KRT83: variants seen among roughly 807,000 people sequenced by gnomAD.
KRT83 encodes keratin, type II cuticular Hb3.
KRT83 carries 51 observed loss-of-function variants against 52.9 expected under a neutral mutation model. The ratio of observed to expected loss-of-function variants is 0.96; its 90% CI spans 0.77 to 1.22. The LOEUF (loss-of-function observed/expected upper bound fraction) is 1.22. Among genes scored for constraint, KRT83 ranks in the 50% most tolerant of loss-of-function variants. The pLI is 0.00. For missense variants in KRT83, 654 were observed against 666.5 expected, an observed-to-expected ratio of 0.98 and a Z score of 0.21; for synonymous variants, 278 against 274.1, an observed-to-expected ratio of 1.01 and a Z score of -0.14.
Position 52,317,754 on chromosome 12 carries a change from C to G in KRT83, c.677G>C (p.Arg226Pro). The change falls in exon 4 of 9, where the codon CGC becomes CCC. Residue 226 changes from arginine (R) to proline (P), a missense_variant. Transcript: ENST00000293670. ...CACGTTGGCCTCCAGGTCTGACTTG[C>G]GGAGGTAGGCGCAGTCCACATCCTG... ...LKKDVDCAYL[R>P]KSDLEANVEA... The G allele has an allele frequency of 6.2e-7, 1 of 1,613,720 alleles. No homozygotes were observed. Among genetic ancestry groups the G allele is most frequent in the East Asian group, 2.2e-5 (1 of 44,862 alleles).
In KRT83 at chr12:52,319,114, A is replaced by G. The variant is rs2187512; in HGVS notation, c.593+42T>C. 586,764 of 1,611,710 alleles carry G rather than the reference A, an allele frequency of 0.36. 109,623 individuals carry two copies. The highest frequency in any genetic ancestry group is 0.49 in the African/African-American group (36,462 of 74,824). On this transcript the variant is annotated intron_variant, in intron 2 of 8. Coordinates refer to ENST00000293670, the MANE Select transcript of KRT83 (RefSeq NM_002282.3). ...CCTCCGGGCTCAGGGAGCTGCCACC[A>G]TGCTATTTCCTGTGCCCAGAACCCC...
rs750385511 is a variant in KRT83, at chr12:52,317,689, A to G, written c.742T>C (p.Tyr248His). ...IQEIDFLRRLYEEEIRILQSH... is the reference protein window; with the variant it reads ...IQEIDFLRRLHEEEIRILQSH... ...GGTTGAGAGCCCCTCACCTCCTCGT[A>G]CAGCCGCCTCAGGAAGTCAATCTCC... Residue 248 changes from tyrosine (Y) to histidine (H), a missense_variant, in exon 4 of 9, where the codon TAC (tyrosine) becomes CAC (histidine). Transcript: ENST00000293670. 32 of 1,612,380 alleles carry G rather than the reference A, an allele frequency of 2.0e-5. No homozygotes were observed. The South Asian group carries it at 3.4e-4, about 17-fold the overall frequency.
intron 1 of KRT83, 58 bp from the exon 2 acceptor site, chr12:52,319,422 G>C (rs912035201): frequency 1.9e-5 from 30 of 1,609,534 alleles, no homozygotes; most frequent in Non-Finnish European, 2.5e-5. Flanking sequence ...GGACAAAGAG[G>C]GGTTCCCAGC....
At position 52,317,947 on chromosome 12, in the gene KRT83, C is replaced by G; in HGVS notation, c.617G>C (p.Arg206Pro). 1.2e-6 allele frequency: 2 copies of G among 1,613,892 alleles called. No homozygotes were observed. The highest frequency in any genetic ancestry group is 1.7e-6 in the Non-Finnish European group (2 of 1,180,016). ...KKKYEEEVAL[R>P]ATAENEFVAL... ...CACAAACTCGTTCTCTGCTGTGGCTCGAAGTGCTACTTCTTCTTCATACCT... is the reference window on the plus strand; with the variant it reads ...CACAAACTCGTTCTCTGCTGTGGCTGGAAGTGCTACTTCTTCTTCATACCT... The change falls in exon 3 of 9, where the codon CGA (arginine) becomes CCA (proline). Residue 206 changes from arginine to proline, a missense_variant. By Grantham distance (103) the Arg-to-Pro change is moderately radical. Coordinates refer to ENST00000293670, the MANE Select transcript of KRT83 (RefSeq NM_002282.3).
intron 6 of KRT83, 122 bp downstream of exon 6, chr12:52,316,346 A>G: frequency 6.9e-7 from 1 of 1,442,142 alleles, no homozygotes; most frequent in South Asian, 1.2e-5. Context: ...TAGATTTCTC[A>G]TCTTACTCTG....
At position 52,314,902 on chromosome 12, in the gene KRT83, G is replaced by T. The variant is rs918176759; in HGVS notation, c.1295-84C>A. On this transcript the variant is annotated intron_variant, in intron 8 of 8. Transcript: ENST00000293670. ...CTTCCTTTGGTCTGTCTGATGTGTC[G>T]ACCATCCAGGGAAGGATGCAAAGAG... 9 of 1,329,968 alleles carry T rather than the reference G, an allele frequency of 6.8e-6. No homozygotes were observed. In the East Asian group the frequency reaches 1.5e-4, roughly 22 times the overall value. The allele number at this position is 1,329,968 out of a possible 1,614,324, so 82.4% of individuals were successfully genotyped here. A position where few individuals can be genotyped will look rare whatever the true frequency, so the allele number is the denominator to read the frequency against.
At chr12:52,316,703 T>C in intron 5 of KRT83, 110 bp from the exon 6 acceptor site, 1 of 1,596,094 alleles carries the variant, frequency 6.3e-7, no homozygotes, top group Non-Finnish European at 8.6e-7. Context: ...CAACCACACG[T>C]GGCAGTCCTG....
At chr12:52,315,802 A>AG (rs1938676830) in intron 7 of KRT83, 91 bp downstream of exon 7, 4 of 1,556,750 alleles carry the variant, frequency 2.6e-6, no homozygotes, top group Non-Finnish European at 3.5e-6. Flanking sequence ...TAGAGGCAAG[A>AG]ATGTCACCTG....
At chr12:52,320,424 G>A (rs1000154181) in intron 1 of KRT83, among the ~76,000 whole-genome samples, 8 of 152,204 alleles carry the variant, frequency 5.3e-5, no homozygotes, top group Admixed American at 5.2e-4. Context: ...CATAAAGCCT[G>A]TGAGGATGGG....
rs186866078 is a variant in KRT83, at chr12:52,317,732, G to T, written c.699C>A (p.Asn233Lys). Residue 233 changes from asparagine (N) to lysine (K), a missense_variant, in exon 4 of 9, where the codon AAC becomes AAA. Physicochemically the swap from Asn to Lys is moderately conservative, Grantham distance 94. Transcript: ENST00000293670. ...AYLRKSDLEANVEALIQEIDF... is the reference protein window; with the variant it reads ...AYLRKSDLEAKVEALIQEIDF... ...CAATCTCCTGGATCAGGGCCTCCAC[G>T]TTGGCCTCCAGGTCTGACTTGCGGA... The T allele has an allele frequency of 9.9e-6, 16 of 1,613,392 alleles. No homozygotes were observed. The highest frequency in any genetic ancestry group is 1.4e-5 in the Non-Finnish European group (16 of 1,179,958).
intron 1 of KRT83, among the ~76,000 whole-genome samples, chr12:52,320,426 G>A (rs1449529549): frequency 6.6e-6 from 1 of 152,214 alleles, no homozygotes; most frequent in African/African-American, 2.4e-5. Context: ...TAAAGCCTGT[G>A]AGGATGGGGA....
In KRT83 at chr12:52,321,144, G is replaced by T. The variant is rs199997738; in HGVS notation, c.192C>A (p.Cys64Ter). Residue 64 changes from cysteine (C) to a stop codon, truncating the protein, a stop_gained, in exon 1 of 9, where the codon TGC (cysteine) becomes TGA (stop). Coordinates refer to ENST00000293670, the MANE Select transcript of KRT83 (RefSeq NM_002282.3). LOFTEE classifies it high-confidence loss of function. ...CGGAGCGGTAGCCGAAGCTGCGTCC[G>T]CAGGAGCCGGCGCGGAAGCCCCCGC... Reference protein sequence around the residue: ...SVCGGFRAGSCGRSFGYRSGG... With the variant: ...SVCGGFRAGS The T allele has an allele frequency of 1.1e-4, 176 of 1,612,156 alleles. No individual in the cohort carries two copies. Among genetic ancestry groups the T allele is most frequent in the Admixed American group, 1.7e-4 (10 of 59,978 alleles).
rs1274824443 is a variant in KRT83 at position 52,314,613 on chromosome 12, G to C, written c.*18C>G. 7 of 1,553,812 alleles carry C rather than the reference G, an allele frequency of 4.5e-6. No individual in the cohort carries two copies. Among genetic ancestry groups the C allele is most frequent in the Non-Finnish European group, 6.1e-6 (7 of 1,148,608 alleles). On this transcript the variant is annotated 3_prime_UTR_variant, in exon 9 of 9. Transcript: ENST00000293670. ...TCTGGCAGGCAGAAGGGGCTCCCCT[G>C]GCTCTCTTTTGGGCCACTTAATGCC...
In KRT83 at chr12:52,315,342, G is replaced by T; in HGVS notation, c.1264C>A (p.Leu422Met). The T allele has an allele frequency of 6.2e-7, 1 of 1,613,732 alleles. No homozygotes were observed. Among genetic ancestry groups the T allele is most frequent in the Non-Finnish European group, 8.5e-7 (1 of 1,179,726 alleles). ...TTCACAGCTTCAACACCTTCACACA[G>T]CCTGAGTGGGGAAAAAGTAAGGAAG... is the stretch of plus-strand genomic sequence containing the variant. ...RRLLEGEEQR[L>M]CEGVEAVNVC... Residue 422 changes from leucine to methionine, a missense_variant and splice_region_variant, in exon 8 of 9, where the codon CTG becomes ATG. Leu to Met is a conservative substitution (Grantham distance 15). Coordinates refer to ENST00000293670, the MANE Select transcript of KRT83 (RefSeq NM_002282.3).
chr12:52,318,220 G>C (rs1592447705), intron 2 of KRT83, among the ~76,000 whole-genome samples: 1 of 151,864 alleles, frequency 6.6e-6, no homozygotes, highest in Non-Finnish European at 1.5e-5. Flanking sequence ...CTGTCGCCCA[G>C]GTTGGAGCAC....
rs1455421267 is a variant in KRT83 at position 52,316,133 on chromosome 12, T to C, written c.1042-20A>G. The stretch of plus-strand genomic sequence containing the variant: ...GGAGTTCTGGGAGGTAGGGGGAATA[T>C]GGAGAGGATAAAGTGAAGTTTAGTT... On this transcript the variant is annotated intron_variant, in intron 6 of 8. Coordinates refer to ENST00000293670, the MANE Select transcript of KRT83 (RefSeq NM_002282.3). 3.1e-5 allele frequency: 50 copies of C among 1,613,112 alleles called. No homozygotes were observed. Among genetic ancestry groups the C allele is most frequent in the Non-Finnish European group, 4.1e-5 (48 of 1,179,914 alleles).
chr12:52,317,637 TC>T, intron 4 of KRT83, 43 bp downstream of exon 4: 1 of 1,597,496 alleles, frequency 6.3e-7, no homozygotes. Context: ...GGGTCAGGGA[TC>T]CCATGGGGGG....
At position 52,315,292 on chromosome 12, in the gene KRT83, T is replaced by A; in HGVS notation, c.1294+20A>T. On this transcript the variant is annotated intron_variant, in intron 8 of 8. Transcript: ENST00000293670. The stretch of plus-strand genomic sequence containing the variant: ...TTGTCCCCAGTCTACATTTTCCTTT[T>A]CAGGGCTCAAGATACTTACAGACAT... 1 of 1,613,220 alleles carries A rather than the reference T, an allele frequency of 6.2e-7. No homozygotes were observed. Among genetic ancestry groups the A allele is most frequent in the South Asian group, 1.1e-5 (1 of 91,044 alleles).
chr12:52,319,432 C>T (rs1410755056), intron 1 of KRT83, 68 bp from the exon 2 acceptor site: 2 of 1,602,948 alleles, frequency 1.2e-6, no homozygotes, highest in Non-Finnish European at 1.7e-6. Flanking sequence ...GGGTTCCCAG[C>T]ACGAGGGCCT....
Sources: gnomAD v4.1 joint callset for allele counts (sites outside exome capture counted in the v4.1 genomes callset) on GRCh38, gnomAD v4.1.1 for gene constraint, MANE v1.5 for transcripts, NCBI Gene and HGNC (gene_info 2026-07-23, HGNC 2026-07-21) for gene names.